Variants in CLDN10 observed in about 807,000 individuals in gnomAD.
CLDN10 encodes the protein claudin-10.
Under a neutral mutation model 22.9 loss-of-function variants are expected in CLDN10, and 15 were observed. That is an observed-to-expected ratio of 0.65 (90% confidence interval 0.44 to 1.01). The LOEUF is 1.01. Among genes scored for constraint, CLDN10 ranks in the 50% least tolerant of loss-of-function variants. The pLI is 0.00. For synonymous variants in CLDN10, 114 were observed against 111.4 expected (o/e 1.02, Z -0.15); for missense variants, 247 against 287.8 (o/e 0.86, Z 1.03).
chr13:95,480,473 G>A (rs896196070), intron 1 of CLDN10, among the ~76,000 whole-genome samples: 6 of 152,222 alleles, frequency 3.9e-5, no homozygotes, highest in African/African-American at 1.4e-4. Flanking sequence ...AGAGAAATAG[G>A]AAGCGTCTGA....
intron 1 of CLDN10, among the ~76,000 whole-genome samples, chr13:95,443,517 G>A (rs962971299): frequency 2.9e-4 from 44 of 152,160 alleles, no homozygotes; most frequent in Admixed American, 1.5e-3. Context: ...GCGAGACCAC[G>A]CAGGGAAGAA....
exon 1 of CLDN10, chr13:95,433,909 A>G (rs747687660): frequency 6.2e-7 from 1 of 1,614,178 alleles, no homozygotes; most frequent in South Asian, 1.1e-5. Context: ...TACCACGTCC[A>G]ATGAGTGGAA....
At chr13:95,440,169 CCCAAAG>C (rs1437043677) in intron 1 of CLDN10, among the ~76,000 whole-genome samples, 9 of 152,114 alleles carry the variant, frequency 5.9e-5, no homozygotes, top group African/African-American at 1.9e-4. Context: ...ACCTCAGCTT[CCCAAAG>C]TGCTGGGATT....
At chr13:95,434,378 C>A (rs559267559) in intron 1 of CLDN10, among the ~76,000 whole-genome samples, 2 of 151,872 alleles carry the variant, frequency 1.3e-5, no homozygotes, top group South Asian at 2.1e-4. Flanking sequence ...GTCAGCACCC[C>A]TATGTAGGAA....
At chr13:95,459,206 A>C in intron 1 of CLDN10, among the ~76,000 whole-genome samples, 1 of 152,190 alleles carries the variant, frequency 6.6e-6, no homozygotes. Flanking sequence ...GAGTGTCTGC[A>C]ACTTTTCCAG....
chr13:95,470,887 G>A (rs1283024034), intron 1 of CLDN10, among the ~76,000 whole-genome samples: 1 of 152,104 alleles, frequency 6.6e-6, no homozygotes, highest in African/African-American at 2.4e-5. Context: ...ATCCACAGCC[G>A]ACGTGCTGGT....
intron 1 of CLDN10, among the ~76,000 whole-genome samples, chr13:95,535,391 G>T (rs1468016117): frequency 6.6e-6 from 1 of 151,858 alleles, no homozygotes; most frequent in Non-Finnish European, 1.5e-5. Context: ...GCCTGGAGAG[G>T]TGAGAATGAC....
At chr13:95,521,709 G>T (rs1020316319) in intron 1 of CLDN10, among the ~76,000 whole-genome samples, 16 of 152,072 alleles carry the variant, frequency 1.1e-4, no homozygotes, top group African/African-American at 3.4e-4. Flanking sequence ...TTCTCAGGAA[G>T]AATTTGTATA....
chr13:95,575,142 T>C (rs1400503274), intron 3 of CLDN10, among the ~76,000 whole-genome samples: 1 of 152,194 alleles, frequency 6.6e-6, no homozygotes, highest in East Asian at 1.9e-4. Context: ...TCAGGGCATA[T>C]TTACACTAAG....
At position 95,450,803 on chromosome 13, in the gene CLDN10, G is replaced by C. The variant is rs563934423; in HGVS notation, c.214+16756G>C. On this transcript the variant is annotated intron_variant, in intron 1 of 4. Transcript: ENST00000376873. The stretch of plus-strand genomic sequence containing the variant: ...AGGCTCTCCCTGCTGAGTTTAGATT[G>C]TGATCAAATAGTAAAAAGAAACATA... 7.2e-5 allele frequency among the ~76,000 whole-genome samples: 11 copies of C among 152,312 alleles called. No individual in the cohort carries two copies. The East Asian group carries it at 2.1e-3, about 29-fold the overall frequency.
At chr13:95,564,734 G>A (rs1346243969) in intron 3 of CLDN10, among the ~76,000 whole-genome samples, 7 of 152,188 alleles carry the variant, frequency 4.6e-5, no homozygotes, top group African/African-American at 1.7e-4. Flanking sequence ...TATATGCAAG[G>A]AACTCAACAG....
At chr13:95,562,985 A>G (rs1404990295) in intron 3 of CLDN10, among the ~76,000 whole-genome samples, 2 of 152,108 alleles carry the variant, frequency 1.3e-5, no homozygotes, top group Non-Finnish European at 2.9e-5. Context: ...AACTCAGTTC[A>G]GTAATTAGGT....
intron 1 of CLDN10, among the ~76,000 whole-genome samples, chr13:95,521,985 T>C (rs1222316482): frequency 6.9e-6 from 1 of 144,260 alleles, no homozygotes; most frequent in Non-Finnish European, 1.5e-5. Flanking sequence ...CTTTCTTTAA[T>C]GACTGCAGGA....
chr13:95,506,507 C>G (rs1469489404), intron 1 of CLDN10, among the ~76,000 whole-genome samples: 1 of 152,190 alleles, frequency 6.6e-6, no homozygotes, highest in Non-Finnish European at 1.5e-5. Context: ...TCAAGAGACT[C>G]CCCTCTGCCT....
intron 3 of CLDN10, among the ~76,000 whole-genome samples, chr13:95,576,225 G>T (rs2043922500): frequency 1.3e-5 from 2 of 152,122 alleles, no homozygotes; most frequent in Admixed American, 1.3e-4. Context: ...AACTAACCCT[G>T]GGCCCTGTCT....
intron 1 of CLDN10, among the ~76,000 whole-genome samples, chr13:95,483,749 C>T (rs1032628623): frequency 6.6e-6 from 1 of 152,202 alleles, no homozygotes; most frequent in Non-Finnish European, 1.5e-5. Flanking sequence ...CTGGCCAAGC[C>T]CTTATGCTCC....
intron 1 of CLDN10, among the ~76,000 whole-genome samples, chr13:95,528,230 C>T (rs908744579): frequency 6.6e-6 from 1 of 152,082 alleles, no homozygotes; most frequent in African/African-American, 2.4e-5. Context: ...GGGGTGGCTT[C>T]CCCTATACTG....
chr13:95,532,055 G>T (rs1037811711), intron 1 of CLDN10, among the ~76,000 whole-genome samples: 1 of 152,038 alleles, frequency 6.6e-6, no homozygotes, highest in African/African-American at 2.4e-5. Context: ...AAAGCAAAGG[G>T]TTTAAAATGA....
chr13:95,564,514 C>T (rs2043757930), intron 3 of CLDN10, among the ~76,000 whole-genome samples: 1 of 152,186 alleles, frequency 6.6e-6, no homozygotes. Flanking sequence ...CTCCAATACC[C>T]AACCCCTAAG....
Sources: allele counts gnomAD v4.1 joint callset (sites outside exome capture counted in the v4.1 genomes callset), GRCh38; gene constraint gnomAD v4.1.1; transcripts MANE v1.5; gene names NCBI Gene and HGNC (gene_info 2026-07-23, HGNC 2026-07-21).